Variants in MUC7 observed in about 807,000 individuals in gnomAD.
MUC7 encodes the protein mucin 7, secreted, also known as mucin-7.
Under a neutral mutation model 2.5 loss-of-function variants are expected in MUC7, and 2 were observed. The ratio of observed to expected loss-of-function variants is 0.81; its 90% CI spans 0.33 to 2.55. The LOEUF (loss-of-function observed/expected upper bound fraction) is 2.55. Among genes scored for constraint, MUC7 ranks in the 30% most tolerant of loss-of-function variants. The pLI is 0.11. For synonymous variants in MUC7, 133 were observed against 173.4 expected, an observed-to-expected ratio of 0.77 and a Z score of 1.83; for missense variants, 408 against 455.6, an observed-to-expected ratio of 0.90 and a Z score of 0.95.
intron 1 of MUC7, chr4:70,430,785 T>C (rs1733638476): frequency 6.6e-6 from 1 of 152,164 alleles, no homozygotes; most frequent in Non-Finnish European, 1.5e-5. Flanking sequence ...AAAAATCCAC[T>C]GGTAGAACAG....
At chr4:70,475,145 G>T (rs1396591524) in intron 2 of MUC7, among the ~76,000 whole-genome samples, 2 of 152,112 alleles carry the variant, frequency 1.3e-5, no homozygotes, top group Non-Finnish European at 2.9e-5. Flanking sequence ...TGGGTGTGGT[G>T]GTGGGCACCT....
chr4:70,436,510 A>G (rs529215267), intron 1 of MUC7, among the ~76,000 whole-genome samples: 1 of 152,198 alleles, frequency 6.6e-6, no homozygotes, highest in East Asian at 1.9e-4. Context: ...AAGCTTGTGT[A>G]TGCTTCAAAA....
chr4:70,471,080 C>A (rs1734822784), upstream of MUC7, among the ~76,000 whole-genome samples: 1 of 152,090 alleles, frequency 6.6e-6, no homozygotes, highest in Admixed American at 6.6e-5. Flanking sequence ...ACTGTATGTG[C>A]AAAAGAACAA....
chr4:70,437,044 A>G (rs545028486), intron 1 of MUC7, among the ~76,000 whole-genome samples: 1 of 152,252 alleles, frequency 6.6e-6, no homozygotes, highest in East Asian at 1.9e-4. Context: ...AGAACAGCAA[A>G]TATTGCTACC....
intron 1 of MUC7, among the ~76,000 whole-genome samples, chr4:70,436,041 C>T (rs1270887209): frequency 6.6e-6 from 1 of 152,220 alleles, no homozygotes; most frequent in African/African-American, 2.4e-5. Context: ...CCACTCTCTT[C>T]TGGCTTGTAG....
At chr4:70,448,657 A>G (rs1026055240) in intron 1 of MUC7, among the ~76,000 whole-genome samples, 3 of 152,168 alleles carry the variant, frequency 2.0e-5, no homozygotes, top group East Asian at 1.9e-4. Flanking sequence ...AACACATTAT[A>G]TATTCAGGTT....
At chr4:70,434,595 T>C (rs1378171478) in intron 1 of MUC7, among the ~76,000 whole-genome samples, 1 of 152,202 alleles carries the variant, frequency 6.6e-6, no homozygotes, top group Non-Finnish European at 1.5e-5. Context: ...TTGCATCTAT[T>C]TGATTCTTCT....
At chr4:70,435,888 G>A (rs545911684) in intron 1 of MUC7, among the ~76,000 whole-genome samples, 1 of 152,280 alleles carries the variant, frequency 6.6e-6, no homozygotes, top group East Asian at 1.9e-4. Flanking sequence ...CTCTTGTAAG[G>A]CAGGCCTGGT....
At chr4:70,452,589 C>T (rs1459490741) in intron 1 of MUC7, among the ~76,000 whole-genome samples, 5 of 152,058 alleles carry the variant, frequency 3.3e-5, no homozygotes, top group Admixed American at 6.6e-5. Flanking sequence ...GCTTTAATTT[C>T]GTCTTCGCAC....
chr4:70,433,246 T>G (rs555102905), intron 1 of MUC7, among the ~76,000 whole-genome samples: 1 of 152,068 alleles, frequency 6.6e-6, no homozygotes, highest in Admixed American at 6.6e-5. Context: ...TTTAAAGTAG[T>G]TTTTTTCTAA....
At chr4:70,464,865 C>A (rs1452584331) in intron 1 of MUC7, among the ~76,000 whole-genome samples, 1 of 152,210 alleles carries the variant, frequency 6.6e-6, no homozygotes, top group African/African-American at 2.4e-5. Context: ...CTGAAGAGAG[C>A]AATGAATCTC....
At chr4:70,450,927 G>T (rs1000850933) in intron 1 of MUC7, among the ~76,000 whole-genome samples, 8 of 152,144 alleles carry the variant, frequency 5.3e-5, no homozygotes, top group Non-Finnish European at 8.8e-5. Context: ...GAGGAGTGAT[G>T]CCAGCACTTC....
At chr4:70,451,781 G>A (rs1734287583) in intron 1 of MUC7, among the ~76,000 whole-genome samples, 1 of 152,190 alleles carries the variant, frequency 6.6e-6, no homozygotes, top group African/African-American at 2.4e-5. Flanking sequence ...AGGTCTATTT[G>A]TTCTATAGTG....
At chr4:70,433,906 C>T (rs1733749676) in intron 1 of MUC7, among the ~76,000 whole-genome samples, 1 of 152,126 alleles carries the variant, frequency 6.6e-6, no homozygotes, top group African/African-American at 2.4e-5. Flanking sequence ...TCCATCAATA[C>T]CTAGTTTACT....
At chr4:70,466,371 C>T (rs995978436) in intron 1 of MUC7, among the ~76,000 whole-genome samples, 1 of 152,150 alleles carries the variant, frequency 6.6e-6, no homozygotes, top group African/African-American at 2.4e-5. Context: ...AAATAACCAG[C>T]TAACATCATA....
At chr4:70,443,622 C>T (rs1332853812) in intron 1 of MUC7, among the ~76,000 whole-genome samples, 1 of 151,914 alleles carries the variant, frequency 6.6e-6, no homozygotes, top group African/African-American at 2.4e-5. Context: ...AGTGCAAATC[C>T]GGGAAAAAGA....
chr4:70,476,359 G>A (rs961007496), intron 2 of MUC7, among the ~76,000 whole-genome samples: 5 of 152,084 alleles, frequency 3.3e-5, no homozygotes, highest in Non-Finnish European at 7.4e-5. Context: ...GATGAATCTG[G>A]GTTGTTCTTT....
intron 1 of MUC7, among the ~76,000 whole-genome samples, chr4:70,455,938 T>C (rs1734400219): frequency 6.6e-6 from 1 of 152,158 alleles, no homozygotes; most frequent in Non-Finnish European, 1.5e-5. Context: ...CCCCATGTAA[T>C]TTATGATTCA....
chr4:70,453,676 C>CT lies in MUC7; in HGVS notation c.-92-18535dup, dbSNP rs553257190. ...AAAGTTCCCTTTACTTTTCCCTCTG[C>CT]TTTTCTCAAGTAGAAGGAGTCTCTC... On this transcript the variant is annotated intron_variant, in intron 1 of 3. Coordinates refer to the MUC7 transcript ENST00000413702. Among the ~76,000 whole-genome samples, 214 of 152,294 alleles carry CT rather than the reference C, an allele frequency of 1.4e-3. 1 individual carries two copies. The highest frequency in any genetic ancestry group is 4.9e-3 in the African/African-American group (205 of 41,566).
Sources: allele counts gnomAD v4.1 joint callset (sites outside exome capture counted in the v4.1 genomes callset), GRCh38; gene constraint gnomAD v4.1.1; transcripts MANE v1.5; gene names NCBI Gene and HGNC (gene_info 2026-07-23, HGNC 2026-07-21).